Variants in GALNT17 observed in about 807,000 individuals in gnomAD.
GALNT17 encodes polypeptide N-acetylgalactosaminyltransferase 17.
A neutral mutation model predicts 63.7 loss-of-function variants in GALNT17; 29 were observed. The observed-to-expected ratio is 0.46, with a 90% CI of 0.34 to 0.62. The LOEUF is 0.62. Ranked by LOEUF, GALNT17 falls within the 20% of genes least tolerant of loss-of-function variation. The pLI is 0.01. For missense variants in GALNT17, 603 were observed against 799.6 expected (o/e 0.75, Z 2.97); for synonymous variants, 305 against 318.3 (o/e 0.96, Z 0.45).
rs184060184 is a variant in GALNT17 at position 71,420,949 on chromosome 7, G to A, written c.806G>A (p.Arg269His). 1.7e-5 allele frequency: 28 copies of A among 1,614,140 alleles called. No homozygotes were observed. Among genetic ancestry groups the A allele is most frequent in the African/African-American group, 5.3e-5 (4 of 75,030 alleles). Residue 269 changes from arginine (R) to histidine (H), a missense_variant, in exon 5 of 11, where the codon CGT becomes CAT. Coordinates refer to ENST00000333538, the MANE Select transcript of GALNT17 (RefSeq NM_022479.3). ...TCCCGCATCCAGGAAAACCGGAAGC[G>A]TGTGATCCTCCCCTCCATTGACAAC... is the stretch of plus-strand genomic sequence containing the variant. ...VLSRIQENRK[R>H]VILPSIDNIK...
chr7:71,177,967 C>G (rs919415329), intron 1 of GALNT17, among the ~76,000 whole-genome samples: 1 of 152,108 alleles, frequency 6.6e-6, no homozygotes, highest in Admixed American at 6.6e-5. Context: ...GTGGCCCTGT[C>G]TTTAATTCAG....
intron 5 of GALNT17, among the ~76,000 whole-genome samples, chr7:71,438,111 G>T (rs1361494284): frequency 1.3e-5 from 2 of 152,032 alleles, no homozygotes. Context: ...TATTAGTCAG[G>T]GTTCTCTAGA....
At chr7:71,616,310 G>C (rs1389467251) in intron 6 of GALNT17, among the ~76,000 whole-genome samples, 3 of 151,914 alleles carry the variant, frequency 2.0e-5, no homozygotes, top group African/African-American at 7.3e-5. Flanking sequence ...TCAGAGACTT[G>C]ATTGCTTCTC....
chr7:71,614,650 GAGAC>G (rs1264820555), intron 6 of GALNT17, among the ~76,000 whole-genome samples: 1 of 150,850 alleles, frequency 6.6e-6, no homozygotes, highest in East Asian at 1.9e-4. Context: ...GTAGGACAAA[GAGAC>G]AGAGAGGAAG....
At chr7:71,215,076 T>G (rs1163995547) in intron 1 of GALNT17, among the ~76,000 whole-genome samples, 1 of 152,226 alleles carries the variant, frequency 6.6e-6, no homozygotes, top group Non-Finnish European at 1.5e-5. Flanking sequence ...TATCCTAAGC[T>G]TCTTTTAAAC....
intron 1 of GALNT17, among the ~76,000 whole-genome samples, chr7:71,316,111 G>A (rs1368429695): frequency 6.6e-6 from 1 of 152,076 alleles, no homozygotes; most frequent in African/African-American, 2.4e-5. Flanking sequence ...AGGGCCACCA[G>A]ACTTCCCTCT....
intron 5 of GALNT17, among the ~76,000 whole-genome samples, chr7:71,495,614 G>A (rs901426515): frequency 6.6e-6 from 1 of 152,122 alleles, no homozygotes; most frequent in African/African-American, 2.4e-5. Context: ...ATCCCCAGTG[G>A]CCAGGCCCCT....
At chr7:71,138,740 G>A (rs1321141887) in intron 1 of GALNT17, among the ~76,000 whole-genome samples, 4 of 152,132 alleles carry the variant, frequency 2.6e-5, no homozygotes, top group East Asian at 1.9e-4. Context: ...TTGGGAGGCC[G>A]AGGTGGGTGG....
intron 5 of GALNT17, among the ~76,000 whole-genome samples, chr7:71,434,305 TA>T (rs1786919889): frequency 6.6e-6 from 1 of 152,152 alleles, no homozygotes; most frequent in Non-Finnish European, 1.5e-5. Context: ...GAACCCTCAC[TA>T]ATACACCAAG....
intron 2 of GALNT17, among the ~76,000 whole-genome samples, chr7:71,363,330 G>A (rs576911555): frequency 6.6e-6 from 1 of 152,262 alleles, no homozygotes; most frequent in African/African-American, 2.4e-5. Flanking sequence ...TGTAGATGGT[G>A]TACCCTGAAA....
intron 5 of GALNT17, among the ~76,000 whole-genome samples, chr7:71,569,868 C>G (rs1291231111): frequency 1.3e-5 from 2 of 151,984 alleles, no homozygotes; most frequent in South Asian, 4.1e-4. Flanking sequence ...TTTGGTAGAA[C>G]TATTTATTTT....
In GALNT17 at chr7:71,377,094, A is replaced by T. The variant is rs1001259025; in HGVS notation, c.423-11141A>T. ...GAGCGATATTCCATCTCAAAAAAAA[A>T]AAAAAATAAAAATAAAAAAAATATA... On this transcript the variant is annotated intron_variant, in intron 2 of 10. Transcript: ENST00000333538. Among the ~76,000 whole-genome samples, 26 of 64,490 alleles carry T rather than the reference A, an allele frequency of 4.0e-4. 5 individuals are homozygous for T. The highest frequency in any genetic ancestry group is 1.0e-3 in the Admixed American group (6 of 5,996). 42.3% of individuals were successfully genotyped at this position (64,490 alleles called of 152,430 possible).
intron 5 of GALNT17, among the ~76,000 whole-genome samples, chr7:71,563,853 A>G (rs1482211802): frequency 6.6e-6 from 1 of 152,154 alleles, no homozygotes; most frequent in Non-Finnish European, 1.5e-5. Flanking sequence ...TGCTGGGATT[A>G]CAGGTGTGAG....
rs142677737 is a variant in GALNT17, at chr7:71,133,056, G to A, written c.238+16G>A. On this transcript the variant is annotated intron_variant, in intron 1 of 10. Coordinates refer to ENST00000333538, the MANE Select transcript of GALNT17 (RefSeq NM_022479.3). ...CAGCTGAATGGTAAGGACGCACGCC[G>A]GCGCCTCCGGGGCTCGACGCGGGCG... The A allele has an allele frequency of 1.4e-5, 22 of 1,527,476 alleles. No homozygotes were observed. The highest frequency in any genetic ancestry group is 1.4e-4 in the East Asian group (6 of 41,660). The allele number at this position is 1,527,476 out of a possible 1,614,324, so 94.6% of individuals were successfully genotyped here. A position where few individuals can be genotyped will look rare whatever the true frequency, so the allele number is the denominator to read the frequency against.
At chr7:71,278,068 C>A (rs1382754568) in intron 1 of GALNT17, among the ~76,000 whole-genome samples, 1 of 152,020 alleles carries the variant, frequency 6.6e-6, no homozygotes, top group Non-Finnish European at 1.5e-5. Context: ...GATGTGTGCC[C>A]AGGAGAGGGT....
At chr7:71,655,622 G>T (rs772832435) in intron 6 of GALNT17, among the ~76,000 whole-genome samples, 4 of 152,320 alleles carry the variant, frequency 2.6e-5, no homozygotes, top group Non-Finnish European at 5.9e-5. Flanking sequence ...AAGAATGCAT[G>T]TGCCTGACTT....
intron 2 of GALNT17, among the ~76,000 whole-genome samples, chr7:71,363,694 A>G (rs1214436527): frequency 6.6e-6 from 1 of 152,260 alleles, no homozygotes; most frequent in Non-Finnish European, 1.5e-5. Flanking sequence ...AATGAAACAG[A>G]GTTTAATTGA....
chr7:71,682,853 C>T (rs559339716), intron 9 of GALNT17, among the ~76,000 whole-genome samples: 1 of 152,216 alleles, frequency 6.6e-6, no homozygotes, highest in East Asian at 1.9e-4. Context: ...CAGGTGTGAG[C>T]CCCTGTGCTT....
At chr7:71,369,217 G>C (rs1008629332) in intron 2 of GALNT17, among the ~76,000 whole-genome samples, 1 of 152,200 alleles carries the variant, frequency 6.6e-6, no homozygotes, top group Admixed American at 6.5e-5. Flanking sequence ...TACTTATCAA[G>C]TATCTGGGAT....
Sources: gnomAD v4.1 joint callset for allele counts (sites outside exome capture counted in the v4.1 genomes callset) on GRCh38, gnomAD v4.1.1 for gene constraint, MANE v1.5 for transcripts, NCBI Gene and HGNC (gene_info 2026-07-23, HGNC 2026-07-21) for gene names.